CACNB2: variants seen among roughly 807,000 people sequenced by gnomAD.
The protein encoded by CACNB2 is voltage-dependent L-type calcium channel subunit beta-2.
CACNB2 carries 42 observed loss-of-function variants against 73.3 expected under a neutral mutation model. The observed-to-expected ratio is 0.57, with a 90% confidence interval of 0.45 to 0.74. CACNB2 has a LOEUF of 0.74. CACNB2 is among the 30% of genes least tolerant of loss of function. CACNB2 has a pLI of 0.00. For missense variants in CACNB2, 940 were observed against 853.0 expected (o/e 1.10, Z -1.27); for synonymous variants, 348 against 310.3 (o/e 1.12, Z -1.28).
rs147320303 is a variant in CACNB2, at chr10:18,422,041, G to A, written c.333+19998G>A. On this transcript the variant is annotated intron_variant, in intron 3 of 13. Coordinates refer to ENST00000324631, the MANE Select transcript of CACNB2 (RefSeq NM_201596.3). Reference sequence around the variant, plus strand: ...TGTTCTAGTTTAAACAGTTGTCAGTGATTAGCGATTTTGATGTTCCGTTTT... The same window carrying A: ...TGTTCTAGTTTAAACAGTTGTCAGTAATTAGCGATTTTGATGTTCCGTTTT... 2.3e-3 allele frequency among the ~76,000 whole-genome samples: 352 copies of A among 152,328 alleles called. 1 individual carries two copies. Among genetic ancestry groups the A allele is most frequent in the African/African-American group, 7.7e-3 (322 of 41,570 alleles).
intron 3 of CACNB2, among the ~76,000 whole-genome samples, chr10:18,457,798 G>C (rs541408060): frequency 6.6e-6 from 1 of 152,122 alleles, no homozygotes; most frequent in African/African-American, 2.4e-5. Flanking sequence ...GCTGAGGCAG[G>C]AGAATCACTT....
chr10:18,183,240 C>A (rs1036123907), intron 2 of CACNB2, among the ~76,000 whole-genome samples: 1 of 152,118 alleles, frequency 6.6e-6, no homozygotes, highest in Non-Finnish European at 1.5e-5. Flanking sequence ...AGTCTGAGTT[C>A]TCTAAATTAT....
intron 2 of CACNB2, chr10:18,205,987 T>G (rs1422664362): frequency 1.3e-5 from 2 of 152,712 alleles, no homozygotes; most frequent in East Asian, 3.9e-4. Context: ...CTATGAGAAT[T>G]TTTTTGTTTG....
At chr10:18,419,921 C>G (rs1448562748) in intron 3 of CACNB2, among the ~76,000 whole-genome samples, 2 of 152,170 alleles carry the variant, frequency 1.3e-5, no homozygotes, top group Non-Finnish European at 2.9e-5. Flanking sequence ...ATCTCTAAAG[C>G]AAAACTTCTT....
intron 2 of CACNB2, among the ~76,000 whole-genome samples, chr10:18,345,314 A>G (rs2041403969): frequency 6.6e-6 from 1 of 152,204 alleles, no homozygotes. Flanking sequence ...TTTTATCACA[A>G]TGTATGCAGT....
At position 18,540,001 on chromosome 10, in the gene CACNB2, A is replaced by G. The variant is rs2053981122; in HGVS notation, c.*277A>G. 1 of 363,572 alleles carries G rather than the reference A, an allele frequency of 2.8e-6. No homozygotes were observed. Among genetic ancestry groups the G allele is most frequent in the South Asian group, 3.4e-5 (1 of 29,174 alleles). 22.5% of individuals were successfully genotyped at this position (363,572 alleles called of 1,614,324 possible). ...TGTTTTGGGTAGCTGCCACTTGAAC[A>G]AAATCTGTTGCCACCCAGGTGATGT... On this transcript the variant is annotated 3_prime_UTR_variant, in exon 14 of 14. Coordinates refer to ENST00000324631, the MANE Select transcript of CACNB2 (RefSeq NM_201596.3).
intron 2 of CACNB2, among the ~76,000 whole-genome samples, chr10:18,395,321 T>A (rs569326942): frequency 1.3e-5 from 2 of 152,328 alleles, no homozygotes; most frequent in African/African-American, 4.8e-5. Context: ...CGTTTAGATT[T>A]CAGCTTAGTG....
At chr10:18,289,292 G>GTTTTTTTTTT (rs1218890630) in intron 2 of CACNB2, among the ~76,000 whole-genome samples, 1 of 55,612 alleles carries the variant, frequency 1.8e-5, no homozygotes, top group Non-Finnish European at 3.5e-5. Flanking sequence ...TTGTTTTTTT[G>GTTTTTTTTTT]TTTTGTTTTT....
intron 2 of CACNB2, among the ~76,000 whole-genome samples, chr10:18,267,016 A>G (rs566611313): frequency 5.3e-5 from 8 of 151,636 alleles, no homozygotes; most frequent in South Asian, 4.2e-4. Flanking sequence ...GTGTGTATAT[A>G]TGTGTGTGTG....
chr10:18,380,647 G>C (rs1281915857), intron 2 of CACNB2, among the ~76,000 whole-genome samples: 2 of 151,212 alleles, frequency 1.3e-5, no homozygotes, highest in African/African-American at 4.9e-5. Flanking sequence ...TAGAGTCAGG[G>C]TTTCACCATG....
chr10:18,375,279 C>G (rs1174943879), intron 2 of CACNB2, among the ~76,000 whole-genome samples: 2 of 152,126 alleles, frequency 1.3e-5, no homozygotes, highest in African/African-American at 4.8e-5. Context: ...TGTCCTATGA[C>G]TTCTCCCTCC....
At chr10:18,182,280 G>A (rs1186259895) in intron 2 of CACNB2, among the ~76,000 whole-genome samples, 3 of 151,798 alleles carry the variant, frequency 2.0e-5, no homozygotes, top group Non-Finnish European at 4.4e-5. Flanking sequence ...AGCCGAGATT[G>A]CACCATTGTA....
intron 2 of CACNB2, among the ~76,000 whole-genome samples, chr10:18,327,986 G>A (rs970639986): frequency 1.2e-4 from 18 of 152,180 alleles, no homozygotes; most frequent in Non-Finnish European, 2.4e-4. Flanking sequence ...TCTTGAAGCA[G>A]ATAGGATATG....
chr10:18,286,884 C>T (rs2038826969), intron 2 of CACNB2, among the ~76,000 whole-genome samples: 2 of 152,138 alleles, frequency 1.3e-5, no homozygotes, highest in South Asian at 4.1e-4. Context: ...TAAATTTGTT[C>T]ACATTCAAGT....
chr10:18,408,978 G>C (rs1043382972), intron 3 of CACNB2, among the ~76,000 whole-genome samples: 1 of 150,522 alleles, frequency 6.6e-6, no homozygotes, highest in African/African-American at 2.4e-5. Context: ...TCAGCCTCCA[G>C]AATAGCTGGG....
chr10:18,301,605 G>A (rs144817021), intron 2 of CACNB2, among the ~76,000 whole-genome samples: 2 of 151,128 alleles, frequency 1.3e-5, no homozygotes, highest in African/African-American at 2.4e-5. Context: ...AAAAACAAAC[G>A]AAACAAGCTG....
rs138004338 is a variant in CACNB2, at chr10:18,298,294, G to A, written c.214-103630G>A. Among the ~76,000 whole-genome samples, 1,214 of 152,124 alleles carry A rather than the reference G, an allele frequency of 8.0e-3. 5 individuals carry two copies. Among genetic ancestry groups the A allele is most frequent in the Middle Eastern group, 0.017 (5 of 294 alleles). On this transcript the variant is annotated intron_variant, in intron 2 of 13. Coordinates refer to ENST00000324631, the MANE Select transcript of CACNB2 (RefSeq NM_201596.3). ...TGAGGCAGGAGAATCACCTGAATCC[G>A]GTGGGGCGGAGGTTGCAGTGAGCCG...
At chr10:18,469,578 C>G (rs1049659020) in intron 3 of CACNB2, among the ~76,000 whole-genome samples, 11 of 152,166 alleles carry the variant, frequency 7.2e-5, no homozygotes, top group Non-Finnish European at 1.6e-4. Context: ...AGTCTGACCC[C>G]TATGTGGGGT....
chr10:18,240,848 A>T (rs1311223432), intron 2 of CACNB2, among the ~76,000 whole-genome samples: 1 of 151,940 alleles, frequency 6.6e-6, no homozygotes, highest in Non-Finnish European at 1.5e-5. Context: ...TGCCCATGGC[A>T]TTGGTCAGTG....
Sources: gnomAD v4.1 joint callset for allele counts (sites outside exome capture counted in the v4.1 genomes callset) on GRCh38, gnomAD v4.1.1 for gene constraint, MANE v1.5 for transcripts, NCBI Gene and HGNC (gene_info 2026-07-23, HGNC 2026-07-21) for gene names.